OR8G5: variants seen among roughly 807,000 people sequenced by gnomAD.
The protein encoded by OR8G5 is olfactory receptor 8G5.
For synonymous variants in OR8G5, 147 were observed against 147.7 expected, an observed-to-expected ratio of 1.00 and a Z score of 0.03; for missense variants, 347 against 371.9, an observed-to-expected ratio of 0.93 and a Z score of 0.55.
intron 1 of OR8G5, among the ~76,000 whole-genome samples, chr11:124,259,401 G>C (rs1861943817): frequency 6.6e-6 from 1 of 152,096 alleles, no homozygotes; most frequent in African/African-American, 2.4e-5. Context: ...TAGAGAGGGG[G>C]TAGCAATACT....
At chr11:124,263,259 C>T (rs1371166136) in intron 1 of OR8G5, among the ~76,000 whole-genome samples, 1 of 152,074 alleles carries the variant, frequency 6.6e-6, no homozygotes, top group East Asian at 1.9e-4. Context: ...CTTGCCATTT[C>T]ATTTTCTTAA....
intron 1 of OR8G5, among the ~76,000 whole-genome samples, chr11:124,263,474 A>T (rs2466667): frequency 0.47 from 66,442 of 140,152 alleles, 16,683 homozygotes; most frequent in East Asian, 0.58. Context: ...CATTAGGTAT[A>T]TCTCCTAATG....
Position 124,264,905 on chromosome 11 carries a change from CT to C in OR8G5, c.-14-12del. On this transcript the variant is annotated splice_polypyrimidine_tract_variant and intron_variant, in intron 1 of 1. Coordinates refer to ENST00000641992, the MANE Select transcript of OR8G5 (RefSeq NM_001005198.2). ...AATTCACCTAAATACCATGTTTTTT[CT>C]CTCCCCTGCAGAAACTCATCAAAGA... The C allele has an allele frequency of 6.2e-7, 1 of 1,611,990 alleles. No homozygotes were observed. Among genetic ancestry groups the C allele is most frequent in the Non-Finnish European group, 8.5e-7 (1 of 1,178,580 alleles).
chr11:124,260,450 A>G (rs894314976), intron 1 of OR8G5, among the ~76,000 whole-genome samples: 9 of 151,746 alleles, frequency 5.9e-5, no homozygotes, highest in African/African-American at 1.9e-4. Context: ...TGTACAACAA[A>G]CCCCCATGAC....
chr11:124,259,581 A>G (rs1861947004), intron 1 of OR8G5, among the ~76,000 whole-genome samples: 1 of 152,118 alleles, frequency 6.6e-6, no homozygotes, highest in Non-Finnish European at 1.5e-5. Context: ...GGGGAACAGG[A>G]TAGAGTATAT....
chr11:124,256,927 A>G (rs1002082363), intron 1 of OR8G5, among the ~76,000 whole-genome samples: 3 of 152,182 alleles, frequency 2.0e-5, no homozygotes, highest in African/African-American at 7.2e-5. Flanking sequence ...AATCAATTAC[A>G]AGGAATTGGA....
intron 1 of OR8G5, among the ~76,000 whole-genome samples, chr11:124,258,721 C>T (rs1173876266): frequency 6.6e-6 from 1 of 151,970 alleles, no homozygotes; most frequent in Non-Finnish European, 1.5e-5. Flanking sequence ...GAAATTTACC[C>T]CAGCTTGTGG....
At chr11:124,260,427 T>C (rs1237552527) in intron 1 of OR8G5, among the ~76,000 whole-genome samples, 1 of 151,814 alleles carries the variant, frequency 6.6e-6, no homozygotes, top group African/African-American at 2.4e-5. Flanking sequence ...AATACCTGGG[T>C]GAGTAAATAA....
chr11:124,265,174 G>A lies in OR8G5; in HGVS notation c.243G>A (p.Met81Ile), dbSNP rs1862015462. The A allele has an allele frequency of 1.2e-6, 2 of 1,614,072 alleles. No homozygotes were observed. The highest frequency in any genetic ancestry group is 1.7e-6 in the Non-Finnish European group (2 of 1,179,978). Residue 81 changes from methionine to isoleucine, a missense_variant, in exon 2 of 2, where the codon ATG becomes ATA. Physicochemically the swap from Met to Ile is conservative, Grantham distance 10. Transcript: ENST00000641992. ...FCHSTVITPK[M>I]LVNFVTEKNI... ...ATTCCACTGTCATTACCCCTAAGAT[G>A]CTGGTGAACTTTGTGACAGAGAAGA...
intron 1 of OR8G5, among the ~76,000 whole-genome samples, chr11:124,258,254 C>T (rs1488891915): frequency 2.6e-5 from 4 of 151,978 alleles, no homozygotes; most frequent in African/African-American, 4.8e-5. Context: ...GTCAATGTTC[C>T]TCCTTAAAAA....
intron 1 of OR8G5, 48 bp from the exon 2 acceptor site, chr11:124,264,870 A>G (rs1161569837): frequency 1.2e-6 from 2 of 1,605,080 alleles, no homozygotes; most frequent in Admixed American, 1.7e-5. Flanking sequence ...CAAAAGGAGA[A>G]TAACAATACA....
intron 1 of OR8G5, among the ~76,000 whole-genome samples, chr11:124,257,334 G>A (rs1350666284): frequency 2.0e-5 from 3 of 152,166 alleles, no homozygotes; most frequent in South Asian, 2.1e-4. Flanking sequence ...ATTAAAGGGT[G>A]TATTCTTTTT....
chr11:124,258,532 T>G (rs1276415013), intron 1 of OR8G5, among the ~76,000 whole-genome samples: 2 of 151,890 alleles, frequency 1.3e-5, no homozygotes, highest in African/African-American at 4.8e-5. Context: ...CACTCCAACT[T>G]GGGCAACAAG....
At chr11:124,263,749 C>G (rs934475399) in intron 1 of OR8G5, among the ~76,000 whole-genome samples, 1 of 151,648 alleles carries the variant, frequency 6.6e-6, no homozygotes, top group South Asian at 2.1e-4. Flanking sequence ...ATGCTCAGGT[C>G]TGATTTATTT....
chr11:124,259,934 C>G (rs929402684), intron 1 of OR8G5, among the ~76,000 whole-genome samples: 1 of 152,038 alleles, frequency 6.6e-6, no homozygotes, highest in Non-Finnish European at 1.5e-5. Flanking sequence ...GAGCTGTATT[C>G]TAGAAAGCAA....
At chr11:124,261,467 C>T (rs533062382) in intron 1 of OR8G5, among the ~76,000 whole-genome samples, 7 of 151,738 alleles carry the variant, frequency 4.6e-5, no homozygotes, top group South Asian at 2.1e-4. Context: ...TAACAAGAGA[C>T]GAAGGAAGAT....
At chr11:124,260,374 G>A (rs866781983) in intron 1 of OR8G5, among the ~76,000 whole-genome samples, 18 of 151,998 alleles carry the variant, frequency 1.2e-4, no homozygotes, top group Admixed American at 3.9e-4. Context: ...GCTATGTGTG[G>A]AGGAAGAGGA....
chr11:124,259,184 G>T (rs1861941353), intron 1 of OR8G5, among the ~76,000 whole-genome samples: 1 of 151,902 alleles, frequency 6.6e-6, no homozygotes. Flanking sequence ...TTTTCAGAGA[G>T]GTCAGATCTC....
At position 124,265,050 on chromosome 11, in the gene OR8G5, T is replaced by C; in HGVS notation, c.119T>C (p.Leu40Pro). Residue 40 changes from leucine to proline, a missense_variant, in exon 2 of 2, where the codon CTG (leucine) becomes CCG (proline). Transcript: ENST00000641992. ...CTGGGAATCTATGTAGTCACAGTGC[T>C]GGGGAACCTGGGCATGATCACACTG... ...VFLGIYVVTV[L>P]GNLGMITLIG... 1.2e-6 allele frequency: 2 copies of C among 1,614,158 alleles called. No individual in the cohort carries two copies.
Sources: gnomAD v4.1 joint callset for allele counts (sites outside exome capture counted in the v4.1 genomes callset) on GRCh38, gnomAD v4.1.1 for gene constraint, MANE v1.5 for transcripts, NCBI Gene and HGNC (gene_info 2026-07-23, HGNC 2026-07-21) for gene names.